MRPL13: variants seen among roughly 807,000 people sequenced by gnomAD.
The protein encoded by MRPL13 is large ribosomal subunit protein uL13m.
MRPL13 carries 33 observed loss-of-function variants against 29.0 expected under a neutral mutation model. The ratio of observed to expected loss-of-function variants is 1.14; its 90% CI spans 0.86 to 1.52. The LOEUF is 1.52. Ranked by LOEUF, MRPL13 falls within the 40% of genes most tolerant of loss-of-function variation. The pLI is 0.00. For synonymous variants in MRPL13, 77 were observed against 68.4 expected (o/e 1.13, Z -0.62); for missense variants, 227 against 216.7 (o/e 1.05, Z -0.30).
At chr8:120,418,696 T>C (rs2130466809) in intron 5 of MRPL13, among the ~76,000 whole-genome samples, 1 of 152,216 alleles carries the variant, frequency 6.6e-6, no homozygotes, top group Middle Eastern at 3.4e-3. Flanking sequence ...TTGTGTCTTT[T>C]AGAAATTATG....
intron 2 of MRPL13, among the ~76,000 whole-genome samples, chr8:120,441,722 G>T (rs546698240): frequency 4.6e-5 from 7 of 152,242 alleles, no homozygotes; most frequent in African/African-American, 1.4e-4. Context: ...GAAAACCAAA[G>T]AAATTTAAAA....
At chr8:120,408,884 G>A in intron 6 of MRPL13, among the ~76,000 whole-genome samples, 1 of 152,306 alleles carries the variant, frequency 6.6e-6, no homozygotes, top group African/African-American at 2.4e-5. Flanking sequence ...GCTATAGACT[G>A]AAGAGGATGC....
intron 3 of MRPL13, 104 bp downstream of exon 3, chr8:120,431,926 T>C: frequency 1.2e-6 from 1 of 814,532 alleles, no homozygotes; most frequent in East Asian, 3.1e-5. Context: ...TAGTAATAAA[T>C]GCTGATTTTT....
At chr8:120,417,375 C>T (rs1812816171) in intron 5 of MRPL13, among the ~76,000 whole-genome samples, 1 of 152,168 alleles carries the variant, frequency 6.6e-6, no homozygotes. Flanking sequence ...TATTTGGAAA[C>T]TATAAATATC....
At chr8:120,411,778 G>C (rs996186025) in intron 6 of MRPL13, among the ~76,000 whole-genome samples, 57 of 152,068 alleles carry the variant, frequency 3.7e-4, no homozygotes, top group African/African-American at 1.4e-3. Flanking sequence ...TCTATTCCCA[G>C]AGTAGTAACT....
At chr8:120,398,433 CAACA>C (rs1307177361) in intron 6 of MRPL13, among the ~76,000 whole-genome samples, 1 of 152,126 alleles carries the variant, frequency 6.6e-6, no homozygotes, top group African/African-American at 2.4e-5. Context: ...AAAAGAAAAA[CAACA>C]AACAAACAAA....
At chr8:120,399,511 G>A (rs1812562659) in intron 6 of MRPL13, among the ~76,000 whole-genome samples, 1 of 152,106 alleles carries the variant, frequency 6.6e-6, no homozygotes, top group African/African-American at 2.4e-5. Context: ...AATATGGAAA[G>A]GAACAACCAT....
chr8:120,405,695 C>G (rs955869006), intron 6 of MRPL13, among the ~76,000 whole-genome samples: 3 of 152,176 alleles, frequency 2.0e-5, no homozygotes, highest in African/African-American at 7.2e-5. Context: ...AACTGTAGTT[C>G]AAGCAGCTTT....
Position 120,443,000 on chromosome 8 carries a change from T to C in MRPL13, c.151+185A>G, listed in dbSNP as rs190396253. Reference sequence around the variant, plus strand: ...GGCTTGTTCCGGGTAAACTGATCCATACGGTTTTCCAGTGAATAAGCCAAA... The same window carrying C: ...GGCTTGTTCCGGGTAAACTGATCCACACGGTTTTCCAGTGAATAAGCCAAA... On this transcript the variant is annotated intron_variant, in intron 2 of 6. Coordinates refer to ENST00000306185, the MANE Select transcript of MRPL13 (RefSeq NM_014078.6). Among the ~76,000 whole-genome samples the C allele has an allele frequency of 4.0e-3, 614 of 152,272 alleles. 4 individuals carry two copies. Among genetic ancestry groups the C allele is most frequent in the African/African-American group, 0.014 (587 of 41,552 alleles).
intron 6 of MRPL13, among the ~76,000 whole-genome samples, chr8:120,400,054 C>T (rs1281731237): frequency 6.6e-6 from 1 of 152,176 alleles, no homozygotes; most frequent in African/African-American, 2.4e-5. Flanking sequence ...TAATGCCCCA[C>T]TGACAATATT....
chr8:120,414,150 A>C, intron 5 of MRPL13, 38 bp from the exon 6 acceptor site: 1 of 1,404,962 alleles, frequency 7.1e-7, no homozygotes, highest in Admixed American at 2.8e-5. Context: ...TTTTCTTAAA[A>C]TATCTTTCTT....
intron 4 of MRPL13, among the ~76,000 whole-genome samples, chr8:120,420,457 C>CAT (rs903000817): frequency 2.8e-5 from 4 of 140,962 alleles, no homozygotes; most frequent in African/African-American, 1.1e-4. Flanking sequence ...TATATATAAA[C>CAT]ATATATATAA....
At chr8:120,415,930 C>T (rs924977513) in intron 5 of MRPL13, 3 of 152,192 alleles carry the variant, frequency 2.0e-5, no homozygotes, top group Non-Finnish European at 4.4e-5. Flanking sequence ...TTTCAAAAAG[C>T]TGCTAAGTGC....
intron 2 of MRPL13, among the ~76,000 whole-genome samples, chr8:120,433,556 C>T (rs1179199836): frequency 2.6e-5 from 4 of 152,046 alleles, no homozygotes; most frequent in Non-Finnish European, 5.9e-5. Flanking sequence ...AAAGATCTTC[C>T]AAGGGGCATT....
At chr8:120,444,762 T>C (rs1388649937) in intron 1 of MRPL13, among the ~76,000 whole-genome samples, 1 of 152,026 alleles carries the variant, frequency 6.6e-6, no homozygotes, top group Non-Finnish European at 1.5e-5. Flanking sequence ...AACAAATTAT[T>C]GCAAGGGCCT....
At chr8:120,431,601 A>G (rs1466244674) in intron 3 of MRPL13, among the ~76,000 whole-genome samples, 5 of 152,198 alleles carry the variant, frequency 3.3e-5, no homozygotes, top group African/African-American at 1.2e-4. Flanking sequence ...GGAAACCAGC[A>G]GAACACACCC....
intron 2 of MRPL13, among the ~76,000 whole-genome samples, chr8:120,437,681 C>T (rs1002026967): frequency 6.6e-6 from 1 of 152,144 alleles, no homozygotes; most frequent in Non-Finnish European, 1.5e-5. Flanking sequence ...CCTTAACCCA[C>T]ATTTTCCATA....
At chr8:120,414,875 T>C (rs917447963) in intron 5 of MRPL13, 15 of 152,050 alleles carry the variant, frequency 9.9e-5, no homozygotes, top group African/African-American at 2.9e-4. Context: ...TTCAGAAAAA[T>C]GAAGAGTTGG....
chr8:120,413,969 CAAG>C lies in MRPL13; in HGVS notation c.515+19_515+21del, dbSNP rs780070012. 45 of 1,504,008 alleles carry C rather than the reference CAAG, an allele frequency of 3.0e-5. 3 individuals carry two copies. The South Asian group carries it at 3.4e-4, about 11-fold the overall frequency. The allele number at this position is 1,504,008 out of a possible 1,614,324, so 93.2% of individuals were successfully genotyped here. ...CAGAGGATATCAAAAGAAAAAAAAA[CAAG>C]AAGAAGGGAAACACTTACGGAGTCC... On this transcript the variant is annotated intron_variant, in intron 6 of 6. Coordinates refer to ENST00000306185, the MANE Select transcript of MRPL13 (RefSeq NM_014078.6).
Sources: gnomAD v4.1 joint callset for allele counts (sites outside exome capture counted in the v4.1 genomes callset) on GRCh38, gnomAD v4.1.1 for gene constraint, MANE v1.5 for transcripts, NCBI Gene and HGNC (gene_info 2026-07-23, HGNC 2026-07-21) for gene names.